Variants in PTPRK observed in about 807,000 individuals in gnomAD.
PTPRK encodes receptor-type tyrosine-protein phosphatase kappa.
PTPRK carries 75 observed loss-of-function variants against 178.0 expected under a neutral mutation model. That is an observed-to-expected ratio of 0.42 (90% confidence interval 0.35 to 0.51). PTPRK has a LOEUF of 0.51. Among genes scored for constraint, PTPRK ranks in the 20% least tolerant of loss-of-function variants. The probability of loss-of-function intolerance (pLI) is 0.02; values close to 1 mark genes in which losing one functional copy is unlikely to be tolerated. For missense variants in PTPRK, 1,441 were observed against 1,797.8 expected, an observed-to-expected ratio of 0.80 and a Z score of 3.59; for synonymous variants, 637 against 620.6, an observed-to-expected ratio of 1.03 and a Z score of -0.39.
intron 13 of PTPRK, among the ~76,000 whole-genome samples, chr6:128,012,161 G>A (rs1194390006): frequency 1.3e-5 from 2 of 151,248 alleles, no homozygotes; most frequent in Admixed American, 1.3e-4. Flanking sequence ...AAAGTCTTTA[G>A]CTGTGGCATT....
intron 1 of PTPRK, among the ~76,000 whole-genome samples, chr6:128,435,753 C>T (rs1272915963): frequency 6.6e-6 from 1 of 152,158 alleles, no homozygotes; most frequent in Admixed American, 6.5e-5. Flanking sequence ...ATGACTGTAA[C>T]AGCTTGGCCC....
chr6:128,493,638 A>G (rs955009888), intron 1 of PTPRK, among the ~76,000 whole-genome samples: 2 of 150,026 alleles, frequency 1.3e-5, no homozygotes, highest in Non-Finnish European at 3.0e-5. Flanking sequence ...ACACACACAC[A>G]CACACACAGA....
intron 6 of PTPRK, among the ~76,000 whole-genome samples, chr6:128,218,462 G>C (rs1029738765): frequency 6.6e-6 from 1 of 152,140 alleles, no homozygotes; most frequent in Non-Finnish European, 1.5e-5. Flanking sequence ...TTCTATAAGA[G>C]ACATGCATCA....
At chr6:128,006,884 T>G (rs1252970323) in intron 14 of PTPRK, among the ~76,000 whole-genome samples, 1 of 150,920 alleles carries the variant, frequency 6.6e-6, no homozygotes, top group East Asian at 1.9e-4. Context: ...TCAATTGAAT[T>G]ATACACCATT....
At chr6:128,196,803 A>G (rs1804929386) in intron 6 of PTPRK, among the ~76,000 whole-genome samples, 1 of 152,162 alleles carries the variant, frequency 6.6e-6, no homozygotes, top group Admixed American at 6.5e-5. Context: ...ATGGCTACCA[A>G]TCCAGACTAT....
At chr6:128,227,486 T>C (rs1015169340) in intron 5 of PTPRK, among the ~76,000 whole-genome samples, 2 of 152,334 alleles carry the variant, frequency 1.3e-5, no homozygotes, top group African/African-American at 4.8e-5. Flanking sequence ...CAAGCTGCCG[T>C]ATTTTAAAAC....
At chr6:127,973,491 A>C (rs1774177729) in intron 28 of PTPRK, among the ~76,000 whole-genome samples, 173 bp downstream of exon 28, 1 of 152,226 alleles carries the variant, frequency 6.6e-6, no homozygotes, top group Non-Finnish European at 1.5e-5. Flanking sequence ...CAATATTTAG[A>C]AAATATACAA....
chr6:128,240,252 G>A (rs1262883959), intron 4 of PTPRK, 102 bp from the exon 5 acceptor site: 7 of 854,918 alleles, frequency 8.2e-6, no homozygotes, highest in Non-Finnish European at 1.3e-5. Flanking sequence ...TTTTACCTTT[G>A]GCCAAGACTA....
chr6:128,260,154 T>C (rs1817961164), intron 3 of PTPRK, among the ~76,000 whole-genome samples: 1 of 152,144 alleles, frequency 6.6e-6, no homozygotes, highest in South Asian at 2.1e-4. Context: ...TGGATTACAC[T>C]TCTGATGACA....
At chr6:128,027,828 G>A (rs1456820816) in intron 13 of PTPRK, 1 of 152,348 alleles carries the variant, frequency 6.6e-6, no homozygotes, top group African/African-American at 2.4e-5. Context: ...CTGGCCTCAA[G>A]TGATCCGCCC....
intron 13 of PTPRK, chr6:128,062,043 C>T (rs1780925939): frequency 6.6e-6 from 1 of 152,096 alleles, no homozygotes; most frequent in Non-Finnish European, 1.5e-5. Flanking sequence ...GCCATTTTGA[C>T]TATTAAATGT....
chr6:128,314,883 T>A (rs72969054), intron 3 of PTPRK, among the ~76,000 whole-genome samples: 12,172 of 151,842 alleles, frequency 0.08, 569 homozygotes, highest in African/African-American at 0.12. Flanking sequence ...ATTCTCACAC[T>A]TCATGTCACA....
chr6:128,264,561 A>G (rs1314016489), intron 3 of PTPRK, among the ~76,000 whole-genome samples: 1 of 152,008 alleles, frequency 6.6e-6, no homozygotes, highest in African/African-American at 2.4e-5. Flanking sequence ...AGGCATGATC[A>G]TAGTGCACTA....
At chr6:128,173,954 T>C (rs537529643) in intron 7 of PTPRK, among the ~76,000 whole-genome samples, 7 of 150,604 alleles carry the variant, frequency 4.6e-5, no homozygotes, top group African/African-American at 1.4e-4. Context: ...TTCCCTTACA[T>C]AAAATATTTT....
intron 13 of PTPRK, among the ~76,000 whole-genome samples, chr6:128,029,666 A>AATG (rs1483476302): frequency 6.8e-6 from 1 of 146,868 alleles, no homozygotes; most frequent in Non-Finnish European, 1.5e-5. Flanking sequence ...TAATAATAAT[A>AATG]ATAATAATAA....
intron 3 of PTPRK, among the ~76,000 whole-genome samples, chr6:128,270,124 A>C (rs1819571469): frequency 1.3e-5 from 2 of 152,116 alleles, no homozygotes; most frequent in Admixed American, 6.6e-5. Flanking sequence ...TGTAAAGGGG[A>C]TTATACTTTC....
intron 21 of PTPRK, among the ~76,000 whole-genome samples, chr6:127,987,168 T>A (rs1290455383): frequency 3.9e-5 from 6 of 152,084 alleles, no homozygotes; most frequent in Non-Finnish European, 8.8e-5. Flanking sequence ...TAGTACATTT[T>A]CATATGTCAG....
intron 6 of PTPRK, among the ~76,000 whole-genome samples, chr6:128,189,278 T>C (rs1206714161): frequency 1.4e-5 from 2 of 139,746 alleles, no homozygotes; most frequent in African/African-American, 2.7e-5. Context: ...TCTCATCTGT[T>C]ACCCAGGCTG....
At chr6:128,169,362 GA>G (rs1390876785) in intron 7 of PTPRK, among the ~76,000 whole-genome samples, 1 of 151,740 alleles carries the variant, frequency 6.6e-6, no homozygotes, top group Admixed American at 6.6e-5. Flanking sequence ...GCCTAAGTTA[GA>G]AAAACCTATT....
Sources: allele counts gnomAD v4.1 joint callset (sites outside exome capture counted in the v4.1 genomes callset), GRCh38; gene constraint gnomAD v4.1.1; transcripts MANE v1.5; gene names NCBI Gene and HGNC (gene_info 2026-07-23, HGNC 2026-07-21).